The following C12orf75 variants were observed in gnomAD, a reference collection of about 807,000 sequenced individuals.
C12orf75 encodes the protein chromosome 12 open reading frame 75.
Under a neutral mutation model 11.4 loss-of-function variants are expected in C12orf75, and 4 were observed. The observed-to-expected ratio is 0.35, with a 90% CI of 0.17 to 0.80. The LOEUF is 0.80. Ranked by LOEUF, C12orf75 falls within the 30% of genes least tolerant of loss-of-function variation. The pLI is 0.52. For missense variants in C12orf75, 89 were observed against 80.4 expected, an observed-to-expected ratio of 1.11 and a Z score of -0.41; for synonymous variants, 30 against 30.0, an observed-to-expected ratio of 1.00 and a Z score of 0.00.
chr12:105,337,110 C>T (rs779666025), intron 1 of C12orf75, among the ~76,000 whole-genome samples: 9 of 151,970 alleles, frequency 5.9e-5, no homozygotes, highest in Non-Finnish European at 8.8e-5. Context: ...GATCACCTGA[C>T]GTCAGGAGTT....
At chr12:105,363,306 C>T (rs10507190) in intron 2 of C12orf75, among the ~76,000 whole-genome samples, 28,978 of 152,174 alleles carry the variant, frequency 0.19, 2,995 homozygotes, top group Non-Finnish European at 0.22. Flanking sequence ...ATTATACCCA[C>T]GGAGTCCTGG....
At position 105,331,038 on chromosome 12, in the gene C12orf75, C is replaced by T. The variant is rs547059727; in HGVS notation, c.46+101C>T. The stretch of plus-strand genomic sequence containing the variant: ...GGTGGGGGGCGCGCAGCCCCCTCTC[C>T]CCGTCCCCATTTTCGGGACAGGAGC... On this transcript the variant is annotated intron_variant, in intron 1 of 5. Coordinates refer to ENST00000443585, the MANE Select transcript of C12orf75 (RefSeq NM_001145199.2). The T allele has an allele frequency of 1.4e-3, 1,039 of 754,858 alleles. 13 individuals carry two copies. The African/African-American group carries it at 0.018, about 13-fold the overall frequency. 46.8% of individuals were successfully genotyped at this position (754,858 alleles called of 1,614,324 possible).
intron 5 of C12orf75, 30 bp downstream of exon 5, chr12:105,367,539 A>G (rs764122042): frequency 1.2e-5 from 7 of 589,734 alleles, no homozygotes; most frequent in African/African-American, 9.4e-5. Flanking sequence ...ATAATTCTAT[A>G]TATTTAGACT....
chr12:105,366,760 A>T, intron 4 of C12orf75, 64 bp downstream of exon 4: 5 of 966,542 alleles, frequency 5.2e-6, no homozygotes, highest in Non-Finnish European at 8.1e-6. Flanking sequence ...ATGAAAAAGC[A>T]TGAAATTTAT....
chr12:105,348,514 A>T (rs1455917479), intron 1 of C12orf75, 88 bp from the exon 2 acceptor site: 2 of 818,812 alleles, frequency 2.4e-6, no homozygotes, highest in Non-Finnish European at 3.6e-6. Context: ...CTCTTCAGGA[A>T]TATTACTGTA....
chr12:105,361,952 G>T (rs1892872153), intron 2 of C12orf75, among the ~76,000 whole-genome samples: 1 of 152,216 alleles, frequency 6.6e-6, no homozygotes, highest in Admixed American at 6.5e-5. Context: ...GCATAAAAAT[G>T]ACTTATGTGG....
chr12:105,345,294 G>A (rs898988051), intron 1 of C12orf75, among the ~76,000 whole-genome samples: 2 of 152,010 alleles, frequency 1.3e-5, no homozygotes, highest in African/African-American at 4.8e-5. Flanking sequence ...TTTGAGACCA[G>A]CCTCGGCAAC....
chr12:105,366,409 A>G (rs1294539359), intron 3 of C12orf75: 10 of 391,226 alleles, frequency 2.6e-5, no homozygotes, highest in Admixed American at 1.7e-4. Flanking sequence ...TACTAACGCA[A>G]TACATCTTTC....
At chr12:105,341,248 C>T (rs2136142066) in intron 1 of C12orf75, among the ~76,000 whole-genome samples, 1 of 152,270 alleles carries the variant, frequency 6.6e-6, no homozygotes, top group South Asian at 2.1e-4. Context: ...AGAACCTTAA[C>T]CACTACTAGG....
intron 1 of C12orf75, among the ~76,000 whole-genome samples, chr12:105,346,670 A>T (rs1892645094): frequency 6.6e-6 from 1 of 152,232 alleles, no homozygotes; most frequent in Non-Finnish European, 1.5e-5. Flanking sequence ...GTTTAGTCAA[A>T]GCCTTAAAAG....
In C12orf75 at chr12:105,339,962, CT is replaced by C. The variant is rs762187176; in HGVS notation, c.47-8637del. Among the ~76,000 whole-genome samples, 13 of 152,120 alleles carry C rather than the reference CT, an allele frequency of 8.5e-5. No homozygotes were observed. In the East Asian group the frequency reaches 2.5e-3, roughly 29 times the overall value. Reference sequence around the variant, plus strand: ...ATAAAAGTATGTTCTTCATAATAGACTTTGGCATTTGGGAGGAAATACTCAC... The same window carrying C: ...ATAAAAGTATGTTCTTCATAATAGACTTGGCATTTGGGAGGAAATACTCAC... On this transcript the variant is annotated intron_variant, in intron 1 of 5. Transcript: ENST00000443585.
intron 1 of C12orf75, among the ~76,000 whole-genome samples, chr12:105,344,751 A>C (rs1231756205): frequency 7.2e-6 from 1 of 138,424 alleles, no homozygotes; most frequent in Non-Finnish European, 1.6e-5. Flanking sequence ...GTGTCAAAAA[A>C]AAAAAAAAAA....
intron 1 of C12orf75, among the ~76,000 whole-genome samples, chr12:105,332,437 T>TC (rs1277353428): frequency 1.3e-5 from 2 of 152,054 alleles, no homozygotes; most frequent in East Asian, 3.9e-4. Context: ...CAAATGAAAA[T>TC]CAGAATGATG....
At chr12:105,355,656 C>T (rs1473706430) in intron 2 of C12orf75, among the ~76,000 whole-genome samples, 1 of 152,158 alleles carries the variant, frequency 6.6e-6, no homozygotes, top group Non-Finnish European at 1.5e-5. Flanking sequence ...AGCATGCTGG[C>T]TCTGTCTCCT....
At chr12:105,338,299 C>T (rs1403495489) in intron 1 of C12orf75, among the ~76,000 whole-genome samples, 8 of 152,108 alleles carry the variant, frequency 5.3e-5, no homozygotes, top group Non-Finnish European at 1.5e-5. Flanking sequence ...CTCGGCCTCC[C>T]GAGTAGCTGG....
chr12:105,358,436 G>A (rs558797568), intron 2 of C12orf75, among the ~76,000 whole-genome samples: 113 of 152,258 alleles, frequency 7.4e-4, no homozygotes, highest in African/African-American at 2.6e-3. Flanking sequence ...TGGGAGCATC[G>A]CTTGAGCCTG....
intron 1 of C12orf75, among the ~76,000 whole-genome samples, chr12:105,336,698 G>A (rs1892503519): frequency 6.6e-6 from 1 of 152,168 alleles, no homozygotes; most frequent in Admixed American, 6.5e-5. Flanking sequence ...GCTAAAGAGA[G>A]GCTGCAGATG....
chr12:105,354,434 T>C (rs1020693801), intron 2 of C12orf75, among the ~76,000 whole-genome samples: 1 of 152,216 alleles, frequency 6.6e-6, no homozygotes, highest in Admixed American at 6.5e-5. Context: ...ATGGACAGAA[T>C]AATGATGTTT....
chr12:105,334,661 C>T (rs1400906399), intron 1 of C12orf75, among the ~76,000 whole-genome samples: 1 of 152,162 alleles, frequency 6.6e-6, no homozygotes, highest in African/African-American at 2.4e-5. Context: ...TTTAAAGTGT[C>T]ACATTTGTTA....
Sources: gnomAD v4.1 joint callset for allele counts (sites outside exome capture counted in the v4.1 genomes callset) on GRCh38, gnomAD v4.1.1 for gene constraint, MANE v1.5 for transcripts, NCBI Gene and HGNC (gene_info 2026-07-23, HGNC 2026-07-21) for gene names.